Variants in INSC observed in about 807,000 individuals in gnomAD.
INSC encodes the protein INSC spindle orientation adaptor protein.
INSC carries 67 observed loss-of-function variants against 58.6 expected under a neutral mutation model. The ratio of observed to expected loss-of-function variants is 1.14; its 90% confidence interval spans 0.94 to 1.40. The LOEUF is 1.40. Ranked by LOEUF, INSC falls within the 40% of genes most tolerant of loss-of-function variation. The pLI, the probability that INSC is intolerant of heterozygous loss-of-function variation, is 0.00. For synonymous variants in INSC, 262 were observed against 276.1 expected (o/e 0.95, Z 0.51); for missense variants, 714 against 692.0 (o/e 1.03, Z -0.36).
At chr11:15,136,170 T>C (rs1319979022) in intron 1 of INSC, among the ~76,000 whole-genome samples, 1 of 152,150 alleles carries the variant, frequency 6.6e-6, no homozygotes, top group Non-Finnish European at 1.5e-5. Context: ...CATATAAAAG[T>C]TATGTTTATA....
intron 2 of INSC, among the ~76,000 whole-genome samples, chr11:15,158,861 T>TA (rs373284603): frequency 2.2e-3 from 26 of 11,816 alleles, no homozygotes; most frequent in Non-Finnish European, 6.2e-3. Flanking sequence ...TTGTTGGTGG[T>TA]TTTTTTTTTT....
At chr11:15,125,273 G>A (rs1039769161) in intron 1 of INSC, among the ~76,000 whole-genome samples, 2 of 152,214 alleles carry the variant, frequency 1.3e-5, no homozygotes, top group Non-Finnish European at 2.9e-5. Flanking sequence ...TGTGATTGGA[G>A]TTAAGTGAGG....
chr11:15,221,734 T>G (rs1851450454), intron 8 of INSC, 86 bp downstream of exon 8: 2 of 1,198,042 alleles, frequency 1.7e-6, no homozygotes, highest in Non-Finnish European at 2.3e-6. Context: ...CCTTCCCATC[T>G]GCCACTCATT....
intron 7 of INSC, among the ~76,000 whole-genome samples, chr11:15,208,583 C>T (rs1413358710): frequency 1.3e-5 from 2 of 152,244 alleles, no homozygotes; most frequent in African/African-American, 4.8e-5. Context: ...CACTGCCCCA[C>T]CTGCCCTCTC....
chr11:15,265,596 A>C, the INSC span, among the ~76,000 whole-genome samples: 1 of 151,718 alleles, frequency 6.6e-6, no homozygotes, highest in Admixed American at 6.6e-5. Flanking sequence ...TTACCTTTTA[A>C]ATTCTACTGA....
chr11:15,168,178 C>T (rs996864253), intron 2 of INSC, among the ~76,000 whole-genome samples: 10 of 152,098 alleles, frequency 6.6e-5, no homozygotes, highest in African/African-American at 2.2e-4. Flanking sequence ...TATAGGTAAA[C>T]GTGTGCCATG....
At chr11:15,223,289 C>T (rs1170649773) in intron 8 of INSC, among the ~76,000 whole-genome samples, 3 of 152,190 alleles carry the variant, frequency 2.0e-5, no homozygotes, top group Non-Finnish European at 4.4e-5. Context: ...TGTATTCATT[C>T]CTGCTTCACT....
chr11:15,162,557 T>C (rs950521538), intron 2 of INSC, among the ~76,000 whole-genome samples: 2 of 152,232 alleles, frequency 1.3e-5, no homozygotes, highest in Non-Finnish European at 2.9e-5. Context: ...TTTAACATAC[T>C]GTATTCATTT....
intron 5 of INSC, among the ~76,000 whole-genome samples, chr11:15,180,215 G>A (rs191274789): frequency 2.7e-3 from 405 of 152,126 alleles, no homozygotes; most frequent in Non-Finnish European, 5.0e-3. Flanking sequence ...GGGAGATCGC[G>A]CCACTGCACT....
Position 15,190,787 on chromosome 11 carries a change from G to A in INSC, c.666G>A (p.Gly222=). The change falls in exon 6 of 13, where the codon GGG becomes GGA. Residue 222 remains glycine, a synonymous_variant. Transcript: ENST00000379556. The part of the protein sequence containing the change: ...TGNLFSLTQE[G]APLCRIIAKE... ...ACCTGTTCAGCCTGACCCAGGAGGG[G>A]GCTCCCTTGTGCCGCATCATAGCCA... 6.2e-7 allele frequency: 1 copy of A among 1,613,768 alleles called. No individual in the cohort carries two copies. Among genetic ancestry groups the A allele is most frequent in the Non-Finnish European group, 8.5e-7 (1 of 1,179,684 alleles).
chr11:15,235,412 C>T lies in INSC; in HGVS notation c.1171-190C>T, dbSNP rs547681466. On this transcript the variant is annotated intron_variant, in intron 9 of 12. Coordinates refer to ENST00000379556, the MANE Select transcript of INSC (RefSeq NM_001042536.3). ...AGGCTGATAAATGGGCATTAGTCAC[C>T]GGGGAAATACATCTGGGTGGCAGGA... Among the ~76,000 whole-genome samples the T allele has an allele frequency of 1.5e-4, 23 of 152,224 alleles. No individual in the cohort carries two copies. In the South Asian group the frequency reaches 1.7e-3, roughly 11 times the overall value.
intron 7 of INSC, among the ~76,000 whole-genome samples, chr11:15,204,113 T>C (rs1349694749): frequency 6.6e-6 from 1 of 152,206 alleles, no homozygotes; most frequent in Non-Finnish European, 1.5e-5. Context: ...ATGACCACGG[T>C]GAGAGGAACA....
chr11:15,183,716 A>G (rs1007476838), intron 5 of INSC, among the ~76,000 whole-genome samples: 1 of 152,234 alleles, frequency 6.6e-6, no homozygotes, highest in Non-Finnish European at 1.5e-5. Context: ...TGAAGAGCCA[A>G]AGACTCTAAA....
At chr11:15,266,905 G>A in the INSC span, among the ~76,000 whole-genome samples, 2 of 151,926 alleles carry the variant, frequency 1.3e-5, no homozygotes, top group Non-Finnish European at 2.9e-5. Flanking sequence ...GAGATGATGG[G>A]CTATATGCTA....
At chr11:15,147,899 C>T (rs1000522669) in intron 1 of INSC, among the ~76,000 whole-genome samples, 31 of 152,298 alleles carry the variant, frequency 2.0e-4, no homozygotes, top group Non-Finnish European at 2.6e-4. Flanking sequence ...ATAGGGCTCC[C>T]GTGTAATCAT....
chr11:15,140,410 A>T (rs1394945803), intron 1 of INSC, among the ~76,000 whole-genome samples: 1 of 152,116 alleles, frequency 6.6e-6, no homozygotes, highest in African/African-American at 2.4e-5. Flanking sequence ...TTGACTTCCT[A>T]TGGTAAACCA....
chr11:15,245,980 C>G lies in INSC; in HGVS notation c.1539C>G (p.Val513=). Residue 513 remains valine, a synonymous_variant, in exon 13 of 13, where the codon GTC becomes GTG. Transcript: ENST00000379556. ...AGGACTCTGACTTTCAGCAGTTGGT[C>G]CAGCCTCGGCTGGTGGACTCCTTCT... ...GLQDSDFQQL[V]QPRLVDSFLL... 1 of 1,614,166 alleles carries G rather than the reference C, an allele frequency of 6.2e-7. No individual in the cohort carries two copies. Among genetic ancestry groups the G allele is most frequent in the Non-Finnish European group, 8.5e-7 (1 of 1,180,024 alleles).
At chr11:15,132,108 T>C (rs1311062279) in intron 1 of INSC, among the ~76,000 whole-genome samples, 1 of 152,198 alleles carries the variant, frequency 6.6e-6, no homozygotes, top group Admixed American at 6.5e-5. Context: ...TTAATTACTT[T>C]GGATATTATA....
At chr11:15,171,713 G>T (rs1369371937) in intron 2 of INSC, among the ~76,000 whole-genome samples, 1 of 152,180 alleles carries the variant, frequency 6.6e-6, no homozygotes, top group Non-Finnish European at 1.5e-5. Context: ...CTTAGAAAAT[G>T]TTCTTTTGGT....
Sources: gnomAD v4.1 joint callset for allele counts (sites outside exome capture counted in the v4.1 genomes callset) on GRCh38, gnomAD v4.1.1 for gene constraint, MANE v1.5 for transcripts, NCBI Gene and HGNC (gene_info 2026-07-23, HGNC 2026-07-21) for gene names.